The following HPSE2 variants were observed in gnomAD, a reference collection of about 807,000 sequenced individuals.
HPSE2 encodes heparanase 2 (inactive), also known as inactive heparanase-2.
HPSE2 carries 38 observed loss-of-function variants against 60.5 expected under a neutral mutation model. The ratio of observed to expected loss-of-function variants is 0.63; its 90% CI spans 0.48 to 0.82. The LOEUF (loss-of-function observed/expected upper bound fraction) is 0.82, where lower values mean the gene tolerates loss of function less well. HPSE2 is among the 40% of genes least tolerant of loss of function. The pLI is 0.00. For missense variants in HPSE2, 713 were observed against 740.4 expected (o/e 0.96, Z 0.43); for synonymous variants, 295 against 293.2 (o/e 1.01, Z -0.06).
chr10:98,904,666 G>A (rs1383005474), intron 3 of HPSE2, among the ~76,000 whole-genome samples: 1 of 152,134 alleles, frequency 6.6e-6, no homozygotes, highest in African/African-American at 2.4e-5. Context: ...ATGTTTGCTT[G>A]TCTGTAGAAT....
At chr10:99,298,790 T>G in the HPSE2 span, among the ~76,000 whole-genome samples, 2 of 152,074 alleles carry the variant, frequency 1.3e-5, no homozygotes, top group East Asian at 3.9e-4. Flanking sequence ...TTCTCCTGCC[T>G]TAGCCTCCTG....
At chr10:98,656,897 G>A (rs1291889435) in intron 6 of HPSE2, among the ~76,000 whole-genome samples, 1 of 151,916 alleles carries the variant, frequency 6.6e-6, no homozygotes, top group Non-Finnish European at 1.5e-5. Context: ...GAGTAGCTGG[G>A]ATTATAGGCA....
At chr10:99,094,311 C>A (rs1162872334) in intron 3 of HPSE2, among the ~76,000 whole-genome samples, 3 of 151,342 alleles carry the variant, frequency 2.0e-5, no homozygotes, top group Admixed American at 6.6e-5. Context: ...GAATTGTGAA[C>A]ATTTTACAGT....
rs143572117 is a variant in HPSE2 at position 98,721,341 on chromosome 10, A to G, written c.956+316T>C. On this transcript the variant is annotated intron_variant, in intron 5 of 11. Transcript: ENST00000370552. Reference sequence around the variant, plus strand: ...TATAGAGTAATTTTTTTTTGTTTTAAAAAATATAAAATGATGCTATAAGAT... The same window carrying G: ...TATAGAGTAATTTTTTTTTGTTTTAGAAAATATAAAATGATGCTATAAGAT... 6.4e-4 allele frequency among the ~76,000 whole-genome samples: 98 copies of G among 152,166 alleles called. 1 individual carries two copies. The highest frequency in any genetic ancestry group is 2.3e-3 in the African/African-American group (96 of 41,524).
At chr10:99,047,031 G>A (rs1311595117) in intron 3 of HPSE2, among the ~76,000 whole-genome samples, 1 of 152,046 alleles carries the variant, frequency 6.6e-6, no homozygotes, top group East Asian at 1.9e-4. Flanking sequence ...TAAGCACAAA[G>A]AACAAATGTG....
intron 3 of HPSE2, among the ~76,000 whole-genome samples, chr10:99,020,078 G>A (rs1162844674): frequency 6.6e-6 from 1 of 151,862 alleles, no homozygotes; most frequent in Non-Finnish European, 1.5e-5. Context: ...TAATAGGAAG[G>A]GACCTTCAGG....
intron 5 of HPSE2, among the ~76,000 whole-genome samples, chr10:98,721,454 C>A (rs187275010): frequency 5.3e-5 from 8 of 152,166 alleles, no homozygotes; most frequent in South Asian, 2.1e-4. Flanking sequence ...CCCACCACCC[C>A]CTGTTGACTA....
At chr10:98,685,644 T>C (rs1042012081) in intron 6 of HPSE2, among the ~76,000 whole-genome samples, 2 of 152,188 alleles carry the variant, frequency 1.3e-5, no homozygotes, top group African/African-American at 4.8e-5. Context: ...GTTTATCCAT[T>C]CTCCTTCTGA....
intron 3 of HPSE2, among the ~76,000 whole-genome samples, chr10:99,081,744 C>G (rs535380543): frequency 5.9e-5 from 9 of 152,190 alleles, no homozygotes; most frequent in African/African-American, 2.2e-4. Flanking sequence ...TCACGCCATT[C>G]TCCTGCCTCA....
chr10:99,136,226 C>A (rs572574985), intron 3 of HPSE2, among the ~76,000 whole-genome samples: 1 of 152,050 alleles, frequency 6.6e-6, no homozygotes, highest in Non-Finnish European at 1.5e-5. Context: ...ATAATAAGTT[C>A]GGAAATTGAA....
Position 99,235,593 on chromosome 10 carries a change from T to C in HPSE2, c.210A>G (p.Pro70=). 1 of 1,614,132 alleles carries C rather than the reference T, an allele frequency of 6.2e-7. No homozygotes were observed. The part of the protein sequence containing the change: ...LILLDVSTKN[P]VRTVNENFLS... ...GGAAGTTCTCATTGACTGTCCTGAC[T>C]GGGTTCTTGGTGCTCACATCAAGTA... The change falls in exon 1 of 12, where the codon CCA becomes CCG. Residue 70 remains proline (P), a synonymous_variant. Coordinates refer to ENST00000370552, the MANE Select transcript of HPSE2 (RefSeq NM_021828.5).
the HPSE2 span, among the ~76,000 whole-genome samples, chr10:99,266,153 C>T: frequency 2.0e-5 from 3 of 152,160 alleles, no homozygotes; most frequent in Non-Finnish European, 2.9e-5. Flanking sequence ...GGGAGTGAAT[C>T]GCCAGCGCAG....
the HPSE2 span, among the ~76,000 whole-genome samples, chr10:99,246,544 C>T: frequency 8.5e-5 from 13 of 152,154 alleles, no homozygotes; most frequent in South Asian, 2.1e-4. Context: ...GTCAGGAGAT[C>T]GAGACCATCC....
intron 2 of HPSE2, among the ~76,000 whole-genome samples, chr10:99,217,684 G>A (rs551184816): frequency 1.6e-4 from 24 of 152,144 alleles, no homozygotes; most frequent in African/African-American, 5.5e-4. Flanking sequence ...TCACACTTGG[G>A]CTAAAGCAAT....
intron 3 of HPSE2, among the ~76,000 whole-genome samples, chr10:98,921,458 A>G (rs1564657517): frequency 6.6e-6 from 1 of 152,196 alleles, no homozygotes; most frequent in Non-Finnish European, 1.5e-5. Context: ...CTCTTTCTGA[A>G]TTAGGGGTAG....
At chr10:98,981,410 G>C (rs1408128758) in intron 3 of HPSE2, among the ~76,000 whole-genome samples, 1 of 152,126 alleles carries the variant, frequency 6.6e-6, no homozygotes, top group Non-Finnish European at 1.5e-5. Context: ...TGCACTCACT[G>C]TAAGAGCTTG....
At chr10:98,749,217 T>C (rs1949697247) in intron 3 of HPSE2, among the ~76,000 whole-genome samples, 1 of 152,034 alleles carries the variant, frequency 6.6e-6, no homozygotes, top group African/African-American at 2.4e-5. Context: ...CTTGACACTT[T>C]AAAAACCAAA....
the HPSE2 span, among the ~76,000 whole-genome samples, chr10:99,290,704 A>C: frequency 6.6e-6 from 1 of 152,160 alleles, no homozygotes; most frequent in Admixed American, 6.5e-5. Flanking sequence ...ACCTCCCACA[A>C]ATTAGCTGTG....
the HPSE2 span, among the ~76,000 whole-genome samples, chr10:99,285,648 T>C: frequency 1.3e-5 from 2 of 151,426 alleles, no homozygotes; most frequent in East Asian, 3.9e-4. Flanking sequence ...TAAATGAGGC[T>C]GGGTGTGCAG....
Sources: gnomAD v4.1 joint callset for allele counts (sites outside exome capture counted in the v4.1 genomes callset) on GRCh38, gnomAD v4.1.1 for gene constraint, MANE v1.5 for transcripts, NCBI Gene and HGNC (gene_info 2026-07-23, HGNC 2026-07-21) for gene names.